TIAM1: variants seen among roughly 807,000 people sequenced by gnomAD.
TIAM1 encodes the protein TIAM Rac1 associated GEF 1.
In TIAM1, 65 loss-of-function variants were observed where a neutral mutation model predicts 163.5. The observed-to-expected ratio is 0.40, with a 90% CI of 0.33 to 0.49. TIAM1 has a LOEUF of 0.49. Among genes scored for constraint, TIAM1 ranks in the 20% least tolerant of loss-of-function variants. The pLI is 0.77. For missense variants in TIAM1, 1,789 were observed against 2,044.7 expected (o/e 0.87, Z 2.41); for synonymous variants, 833 against 810.1 (o/e 1.03, Z -0.48).
intron 2 of TIAM1, among the ~76,000 whole-genome samples, chr21:31,376,607 C>T (rs2076692112): frequency 6.6e-6 from 1 of 152,112 alleles, no homozygotes; most frequent in Admixed American, 6.6e-5. Context: ...GGAGGAGATG[C>T]CCACTGAAAG....
At chr21:31,549,846 G>A (rs1021965804) in intron 1 of TIAM1, among the ~76,000 whole-genome samples, 4 of 152,114 alleles carry the variant, frequency 2.6e-5, no homozygotes, top group Non-Finnish European at 5.9e-5. Flanking sequence ...TTAAAAGGCC[G>A]GGCGTGGTGG....
At position 31,430,866 on chromosome 21, in the gene TIAM1, G is replaced by T. The variant is rs2044003841; in HGVS notation, c.-369+33117C>A. Among the ~76,000 whole-genome samples the T allele has an allele frequency of 2.0e-5, 3 of 151,990 alleles. No homozygotes were observed. In the South Asian group the frequency reaches 6.2e-4, roughly 32 times the overall value. On this transcript the variant is annotated intron_variant, in intron 2 of 28. Coordinates refer to the TIAM1 transcript ENST00000286827. ...TTTTTTGTATATATGTAACAGAATT[G>T]CAAATATGATTACTTCATTTCACTG...
At chr21:31,530,879 A>G (rs951894055) in intron 1 of TIAM1, among the ~76,000 whole-genome samples, 4 of 151,968 alleles carry the variant, frequency 2.6e-5, no homozygotes, top group Admixed American at 1.3e-4. Flanking sequence ...TGAGTAATAA[A>G]TTTAGAGGTT....
chr21:31,221,332 C>G (rs779868402), intron 8 of TIAM1, among the ~76,000 whole-genome samples: 1 of 152,162 alleles, frequency 6.6e-6, no homozygotes, highest in Non-Finnish European at 1.5e-5. Flanking sequence ...GTATCACTGA[C>G]AAAGCGAGCA....
At chr21:31,230,456 C>T (rs1268746443) in intron 6 of TIAM1, among the ~76,000 whole-genome samples, 1 of 151,894 alleles carries the variant, frequency 6.6e-6, no homozygotes, top group Non-Finnish European at 1.5e-5. Flanking sequence ...ATATGACATA[C>T]TGATCCTGAC....
At chr21:31,250,342 T>C (rs2833350) in intron 5 of TIAM1, among the ~76,000 whole-genome samples, 1 of 151,954 alleles carries the variant, frequency 6.6e-6, no homozygotes, top group Non-Finnish European at 1.5e-5. Context: ...TTGGCATTGC[T>C]GGTCTCTGGC....
intron 1 of TIAM1, among the ~76,000 whole-genome samples, chr21:31,516,494 C>T (rs1419360562): frequency 3.3e-5 from 5 of 152,114 alleles, no homozygotes; most frequent in Admixed American, 3.3e-4. Flanking sequence ...AAGGAGTCTT[C>T]ACTGGCTCCA....
chr21:31,399,096 T>C (rs1160326843), intron 2 of TIAM1, among the ~76,000 whole-genome samples: 1 of 152,152 alleles, frequency 6.6e-6, no homozygotes, highest in Admixed American at 6.5e-5. Flanking sequence ...AAGCCAAAAT[T>C]AATTCCACAA....
chr21:31,226,890 C>A (rs2088010694), intron 6 of TIAM1, among the ~76,000 whole-genome samples: 1 of 151,376 alleles, frequency 6.6e-6, no homozygotes, highest in South Asian at 2.1e-4. Flanking sequence ...GTTTTTTCTC[C>A]TTTGAAGCGC....
intron 2 of TIAM1, among the ~76,000 whole-genome samples, chr21:31,287,645 A>G (rs1371493204): frequency 1.3e-5 from 2 of 152,334 alleles, no homozygotes; most frequent in East Asian, 3.9e-4. Flanking sequence ...CCAGTAAAAG[A>G]GAAGGGTATA....
chr21:31,289,074 C>T (rs941438081), intron 2 of TIAM1, among the ~76,000 whole-genome samples: 2 of 152,220 alleles, frequency 1.3e-5, no homozygotes, highest in African/African-American at 2.4e-5. Context: ...CATAAATAAG[C>T]ATGCCCAAGT....
chr21:31,393,853 G>A (rs1186243659), intron 2 of TIAM1, among the ~76,000 whole-genome samples: 1 of 152,102 alleles, frequency 6.6e-6, no homozygotes, highest in Non-Finnish European at 1.5e-5. Flanking sequence ...TTCCAGGAGA[G>A]TTCCAATTTC....
intron 4 of TIAM1, among the ~76,000 whole-genome samples, chr21:31,253,500 A>G (rs1045540281): frequency 6.6e-6 from 1 of 152,196 alleles, no homozygotes; most frequent in African/African-American, 2.4e-5. Context: ...ATCTCCACGA[A>G]CTTCACTTAG....
At chr21:31,537,614 T>C (rs1363055207) in intron 1 of TIAM1, among the ~76,000 whole-genome samples, 2 of 151,926 alleles carry the variant, frequency 1.3e-5, no homozygotes, top group African/African-American at 2.4e-5. Context: ...TGCCCAGGCA[T>C]GGTGGTGGAT....
intron 1 of TIAM1, among the ~76,000 whole-genome samples, chr21:31,481,911 T>C (rs1275506158): frequency 1.3e-5 from 2 of 151,962 alleles, no homozygotes; most frequent in African/African-American, 2.4e-5. Context: ...AGCTGAAAGT[T>C]TCAACCCTCT....
chr21:31,515,262 T>C (rs967108466), intron 1 of TIAM1, among the ~76,000 whole-genome samples: 5 of 152,102 alleles, frequency 3.3e-5, no homozygotes, highest in African/African-American at 1.2e-4. Flanking sequence ...AATCTCACCA[T>C]CTTCTAGGTT....
At chr21:31,525,578 A>C (rs982979652) in intron 1 of TIAM1, among the ~76,000 whole-genome samples, 1 of 152,108 alleles carries the variant, frequency 6.6e-6, no homozygotes, top group African/African-American at 2.4e-5. Context: ...TTTTATAGAC[A>C]AGGCACTTGA....
chr21:31,547,748 C>A (rs1444840375), intron 1 of TIAM1, among the ~76,000 whole-genome samples: 1 of 152,136 alleles, frequency 6.6e-6, no homozygotes, highest in Non-Finnish European at 1.5e-5. Flanking sequence ...ACACTTGGAA[C>A]GTTTTCTGAA....
At chr21:31,451,622 C>G (rs1398334018) in intron 2 of TIAM1, among the ~76,000 whole-genome samples, 1 of 151,838 alleles carries the variant, frequency 6.6e-6, no homozygotes. Flanking sequence ...CAAACCAACA[C>G]AGCAGAAATG....
Sources: allele counts gnomAD v4.1 joint callset (sites outside exome capture counted in the v4.1 genomes callset), GRCh38; gene constraint gnomAD v4.1.1; transcripts MANE v1.5; gene names NCBI Gene and HGNC (gene_info 2026-07-23, HGNC 2026-07-21).